The following SMC1B variants were observed in gnomAD, a reference collection of about 807,000 sequenced individuals.
The protein encoded by SMC1B is structural maintenance of chromosomes 1B, also known as structural maintenance of chromosomes protein 1B.
A neutral mutation model predicts 157.9 loss-of-function variants in SMC1B; 60 were observed. The observed-to-expected ratio is 0.38, with a 90% CI of 0.31 to 0.47. The LOEUF is 0.47. SMC1B is among the 20% of genes least tolerant of loss of function. The pLI is 0.99. For missense variants in SMC1B, 1,165 were observed against 1,426.2 expected, an observed-to-expected ratio of 0.82 and a Z score of 2.95; for synonymous variants, 445 against 483.0, an observed-to-expected ratio of 0.92 and a Z score of 1.03.
chr22:45,378,978 G>GT (rs2086909067), intron 12 of SMC1B, among the ~76,000 whole-genome samples: 1 of 151,740 alleles, frequency 6.6e-6, no homozygotes, highest in African/African-American at 2.4e-5. Flanking sequence ...CAACATTCAG[G>GT]TTTTTTTCTT....
intron 17 of SMC1B, 81 bp from the exon 18 acceptor site, chr22:45,360,039 T>C: frequency 9.3e-7 from 1 of 1,072,662 alleles, no homozygotes. Context: ...TGCTATAAAC[T>C]TTTATGAAAA....
intron 10 of SMC1B, among the ~76,000 whole-genome samples, chr22:45,389,381 C>T (rs1294085479): frequency 3.3e-5 from 5 of 152,174 alleles, no homozygotes; most frequent in Admixed American, 6.5e-5. Context: ...ACAGACCATA[C>T]GTCTTATCCA....
chr22:45,373,705 A>G (rs1484104030), intron 12 of SMC1B, among the ~76,000 whole-genome samples: 1 of 152,258 alleles, frequency 6.6e-6, no homozygotes, highest in Non-Finnish European at 1.5e-5. Flanking sequence ...GAAGCGAGGT[A>G]GGGTCAGTTA....
intron 8 of SMC1B, 85 bp downstream of exon 8, chr22:45,394,600 C>T: frequency 7.5e-7 from 1 of 1,341,324 alleles, no homozygotes; most frequent in Non-Finnish European, 9.6e-7. Context: ...TGCGCCACTG[C>T]ACTCTGGCCT....
intron 12 of SMC1B, among the ~76,000 whole-genome samples, chr22:45,373,046 A>G (rs2086850488): frequency 6.6e-6 from 1 of 152,002 alleles, no homozygotes; most frequent in Non-Finnish European, 1.5e-5. Context: ...CTTTCAACCA[A>G]CTGCCAAGCA....
intron 18 of SMC1B, 81 bp downstream of exon 18, chr22:45,359,724 G>T: frequency 6.8e-7 from 1 of 1,466,938 alleles, no homozygotes; most frequent in South Asian, 1.3e-5. Flanking sequence ...AGGGGCTACA[G>T]AACAAGAGAA....
At chr22:45,402,289 G>A in intron 5 of SMC1B, 44 bp downstream of exon 5, 1 of 1,270,864 alleles carries the variant, frequency 7.9e-7, no homozygotes, top group Non-Finnish European at 1.1e-6. Context: ...CCTCTATCAA[G>A]CTACATATAA....
At chr22:45,357,679 T>C (rs1054940209) in intron 19 of SMC1B, among the ~76,000 whole-genome samples, 1 of 152,218 alleles carries the variant, frequency 6.6e-6, no homozygotes, top group Non-Finnish European at 1.5e-5. Flanking sequence ...CACAACACAG[T>C]CAGAAATGCT....
intron 6 of SMC1B, 85 bp downstream of exon 6, chr22:45,399,010 A>AGATTATCCACAATTTACATT: frequency 7.7e-7 from 1 of 1,301,744 alleles, no homozygotes; most frequent in Non-Finnish European, 1.1e-6. Flanking sequence ...AAAATATCAG[A>AGATTATCCACAATTTACATT]GAGGTCATCT....
At chr22:45,395,349 A>G (rs1292989933) in intron 7 of SMC1B, among the ~76,000 whole-genome samples, 3 of 152,196 alleles carry the variant, frequency 2.0e-5, no homozygotes, top group Admixed American at 6.5e-5. Flanking sequence ...GGAGACTACC[A>G]CAAGTCTTCT....
chr22:45,345,656 T>C (rs56343022), intron 23 of SMC1B, 87 bp from the exon 24 acceptor site: 1 of 799,022 alleles, frequency 1.3e-6, no homozygotes, highest in Non-Finnish European at 2.2e-6. Flanking sequence ...TCTCTGAGTC[T>C]GGTCAGTTTA....
At position 45,363,032 on chromosome 22, in the gene SMC1B, A is replaced by G. The variant is rs1258433361; in HGVS notation, c.2421-6T>C. On this transcript the variant is annotated splice_polypyrimidine_tract_variant and splice_region_variant and intron_variant, in intron 15 of 24. Coordinates refer to ENST00000357450, the MANE Select transcript of SMC1B (RefSeq NM_148674.5). ...TTTGTTTTTCAAATTCTAATCTAGTATAATAAAGTCAAGCATTACAAGTGT... is the reference window on the plus strand; with the variant it reads ...TTTGTTTTTCAAATTCTAATCTAGTGTAATAAAGTCAAGCATTACAAGTGT... 1.3e-6 allele frequency: 2 copies of G among 1,561,120 alleles called. No homozygotes were observed. Among genetic ancestry groups the G allele is most frequent in the Admixed American group, 2.1e-5 (1 of 46,724 alleles).
chr22:45,387,945 T>C (rs2087007463), intron 10 of SMC1B, among the ~76,000 whole-genome samples: 1 of 151,910 alleles, frequency 6.6e-6, no homozygotes, highest in Admixed American at 6.6e-5. Flanking sequence ...GGCAGGAGAA[T>C]TGCTTGAACC....
At chr22:45,348,057 T>A (rs1051349784) in intron 23 of SMC1B, among the ~76,000 whole-genome samples, 1 of 152,208 alleles carries the variant, frequency 6.6e-6, no homozygotes, top group African/African-American at 2.4e-5. Context: ...ATGTCCAAAA[T>A]TCAATCTAGT....
chr22:45,398,981 A>G, intron 6 of SMC1B, 114 bp downstream of exon 6: 1 of 1,054,698 alleles, frequency 9.5e-7, no homozygotes, highest in South Asian at 1.6e-5. Context: ...CCCACAATTT[A>G]CATTGAGGAT....
At chr22:45,397,818 G>A (rs2087142927) in intron 6 of SMC1B, among the ~76,000 whole-genome samples, 1 of 152,126 alleles carries the variant, frequency 6.6e-6, no homozygotes, top group Non-Finnish European at 1.5e-5. Context: ...GGTAGTGGAT[G>A]ACCTCTTGCA....
At chr22:45,368,768 G>T (rs530539185) in intron 15 of SMC1B, among the ~76,000 whole-genome samples, 58 of 151,982 alleles carry the variant, frequency 3.8e-4, no homozygotes, top group Non-Finnish European at 7.2e-4. Context: ...ACCTGCCTCG[G>T]TCGGCCTCCC....
chr22:45,394,982 T>C (rs1320402161), intron 7 of SMC1B, among the ~76,000 whole-genome samples: 3 of 152,252 alleles, frequency 2.0e-5, no homozygotes, highest in Non-Finnish European at 1.5e-5. Context: ...GATTTCTCTC[T>C]GTAACTTCAA....
rs376042042 is a variant in SMC1B, at chr22:45,406,392, A to G, written c.615+68T>C. 5.5e-5 allele frequency: 72 copies of G among 1,301,350 alleles called. 1 individual carries two copies. The African/African-American group carries it at 8.6e-4, about 15-fold the overall frequency. The allele number at this position is 1,301,350 out of a possible 1,614,324, so 80.6% of individuals were successfully genotyped here. ...ATCTTCTTGGTAAGCCCAAGCCCAT[A>G]CCTAGTGATTCTAACATAGAAAGTT... is the stretch of plus-strand genomic sequence containing the variant. On this transcript the variant is annotated intron_variant, in intron 4 of 24. Coordinates refer to ENST00000357450, the MANE Select transcript of SMC1B (RefSeq NM_148674.5).
Sources: allele counts gnomAD v4.1 joint callset (sites outside exome capture counted in the v4.1 genomes callset), GRCh38; gene constraint gnomAD v4.1.1; transcripts MANE v1.5; gene names NCBI Gene and HGNC (gene_info 2026-07-23, HGNC 2026-07-21).